Variants in SMPDL3A observed in about 807,000 individuals in gnomAD.
The protein encoded by SMPDL3A is sphingomyelin phosphodiesterase acid like 3A.
In SMPDL3A, 39 loss-of-function variants were observed where a neutral mutation model predicts 38.5. The observed-to-expected ratio is 1.01, with a 90% CI of 0.78 to 1.32. The LOEUF (loss-of-function observed/expected upper bound fraction) is 1.32, where lower values mean the gene tolerates loss of function less well. Ranked by LOEUF, SMPDL3A falls within the 40% of genes most tolerant of loss-of-function variation. The probability of loss-of-function intolerance (pLI) is 0.00; values close to 1 mark genes in which losing one functional copy is unlikely to be tolerated. For synonymous variants in SMPDL3A, 180 were observed against 194.3 expected (o/e 0.93, Z 0.61); for missense variants, 502 against 536.2 (o/e 0.94, Z 0.63).
rs1327705273 is a variant in SMPDL3A at position 122,806,087 on chromosome 6, T to C, written c.920-146T>C. 1.1e-5 allele frequency: 6 copies of C among 567,108 alleles called. No homozygotes were observed. In the Admixed American group the frequency reaches 2.2e-4, roughly 21 times the overall value. 35.1% of individuals were successfully genotyped at this position (567,108 alleles called of 1,614,324 possible). A position where few individuals can be genotyped will look rare whatever the true frequency, so the allele number is the denominator to read the frequency against. On this transcript the variant is annotated intron_variant, in intron 6 of 7. Transcript: ENST00000368440. The stretch of plus-strand genomic sequence containing the variant: ...GTCCCTATTTTCTCCAAATTGTCTC[T>C]TTACAGTTGTTTCAAGTCAGTATCC...
rs770665936 is a variant in SMPDL3A at position 122,795,716 on chromosome 6, C to T, written c.152C>T (p.Thr51Ile). Residue 51 changes from threonine to isoleucine, a missense_variant, in exon 2 of 8, where the codon ACT becomes ATT. Physicochemically the swap from Thr to Ile is moderately conservative, Grantham distance 89. Coordinates refer to ENST00000368440, the MANE Select transcript of SMPDL3A (RefSeq NM_006714.5). ...WHVTDLHLDP[T>I]YHITDDHTKV... is the part of the protein sequence containing the mutation. Reference sequence around the variant, plus strand: ...GTGACTGACTTACACTTAGACCCTACTTACCACATCACAGATGACCACACA... The same window carrying T: ...GTGACTGACTTACACTTAGACCCTATTTACCACATCACAGATGACCACACA... 1.9e-6 allele frequency: 3 copies of T among 1,614,196 alleles called. No individual in the cohort carries two copies. The highest frequency in any genetic ancestry group is 2.2e-5 in the East Asian group (1 of 44,872).
Position 122,789,434 on chromosome 6 carries a change from G to A in SMPDL3A, c.88G>A (p.Gly30Ser), listed in dbSNP as rs1164154087. 1.3e-6 allele frequency: 2 copies of A among 1,549,294 alleles called. No homozygotes were observed. Among genetic ancestry groups the A allele is most frequent in the Non-Finnish European group, 8.7e-7 (1 of 1,146,324 alleles). The stretch of plus-strand genomic sequence containing the variant: ...CGGGCTGCCCGTGGCGCCCGCAGGC[G>A]GCAGGAATCCTCCTCCGGCGATAGG... ...GLGLPVAPAG[G>S]RNPPPAIGQF... Residue 30 changes from glycine to serine, a missense_variant, in exon 1 of 8, where the codon GGC becomes AGC. Physicochemically the swap from Gly to Ser is moderately conservative, Grantham distance 56. Coordinates refer to ENST00000368440, the MANE Select transcript of SMPDL3A (RefSeq NM_006714.5).
Position 122,804,959 on chromosome 6 carries a change from C to T in SMPDL3A, c.789C>T (p.Asn263=). ...VPVGYLPSSQ[N]ITAMREYYNE... ...TGGGGTATCTGCCATCTTCACAGAA[C>T]ATCACAGCAATGAGAGAATACTATA... is the stretch of plus-strand genomic sequence containing the variant. Residue 263 remains asparagine, a synonymous_variant, in exon 6 of 8, where the codon AAC becomes AAT. Transcript: ENST00000368440. 6.2e-7 allele frequency: 1 copy of T among 1,613,156 alleles called. No individual in the cohort carries two copies.
chr6:122,791,479 C>T (rs2115157830), intron 1 of SMPDL3A, among the ~76,000 whole-genome samples: 1 of 152,318 alleles, frequency 6.6e-6, no homozygotes, highest in Non-Finnish European at 1.5e-5. Flanking sequence ...AGCAGCCATA[C>T]TTCAACCATT....
intron 4 of SMPDL3A, among the ~76,000 whole-genome samples, chr6:122,802,855 C>CTGTT (rs1781470244): frequency 6.6e-6 from 1 of 151,972 alleles, no homozygotes; most frequent in African/African-American, 2.4e-5. Flanking sequence ...TTTGTCATCC[C>CTGTT]AGAGGCCCTA....
chr6:122,789,614 G>C (rs1780997750), intron 1 of SMPDL3A, among the ~76,000 whole-genome samples, 156 bp downstream of exon 1: 1 of 152,232 alleles, frequency 6.6e-6, no homozygotes, highest in South Asian at 2.1e-4. Flanking sequence ...ACGGCTGGTG[G>C]GCGCGGGGAG....
intron 2 of SMPDL3A, 22 bp from the exon 3 acceptor site, chr6:122,796,802 T>A (rs1454458546): frequency 6.2e-7 from 1 of 1,606,464 alleles, no homozygotes; most frequent in Non-Finnish European, 8.5e-7. Flanking sequence ...TTTTGTTCTT[T>A]ACAATCTCTC....
chr6:122,790,915 A>T (rs1781056334), intron 1 of SMPDL3A, among the ~76,000 whole-genome samples: 1 of 152,030 alleles, frequency 6.6e-6, no homozygotes, highest in African/African-American at 2.4e-5. Context: ...CCTCCTACTA[A>T]AGGGGAAGGA....
chr6:122,797,130 G>A (rs1032680516), intron 3 of SMPDL3A, 162 bp downstream of exon 3: 13 of 511,278 alleles, frequency 2.5e-5, no homozygotes, highest in Non-Finnish European at 3.4e-5. Flanking sequence ...CAAGTACTTC[G>A]GGGACTGTAA....
At position 122,795,797 on chromosome 6, in the gene SMPDL3A, A is replaced by G; in HGVS notation, c.233A>G (p.Asp78Gly). Residue 78 changes from aspartate to glycine, a missense_variant, in exon 2 of 8, where the codon GAT becomes GGT. Transcript: ENST00000368440. ...GCCTCCAACCCTGGCCCTTTTGGAG[A>G]TGTTCTGTGTGATTCTCCATATCAA... ...ANASNPGPFG[D>G]VLCDSPYQLI... The G allele has an allele frequency of 6.2e-7, 1 of 1,614,102 alleles. No homozygotes were observed. The highest frequency in any genetic ancestry group is 8.5e-7 in the Non-Finnish European group (1 of 1,179,984).
intron 2 of SMPDL3A, 26 bp downstream of exon 2, chr6:122,795,916 A>G: frequency 6.8e-7 from 1 of 1,471,146 alleles, no homozygotes; most frequent in Non-Finnish European, 9.5e-7. Context: ...AGTACCATTA[A>G]TTACTCAATA....
At chr6:122,790,202 C>A (rs1781032161) in intron 1 of SMPDL3A, among the ~76,000 whole-genome samples, 1 of 152,172 alleles carries the variant, frequency 6.6e-6, no homozygotes, top group South Asian at 2.1e-4. Context: ...GTTAGCATTG[C>A]AAATTTCCAG....
intron 2 of SMPDL3A, 140 bp from the exon 3 acceptor site, chr6:122,796,684 G>A: frequency 2.0e-6 from 1 of 507,986 alleles, no homozygotes; most frequent in Non-Finnish European, 3.4e-6. Flanking sequence ...TAAGTGAAGA[G>A]TAGTCTATCA....
At chr6:122,800,044 A>G (rs9401600) in intron 3 of SMPDL3A, among the ~76,000 whole-genome samples, 20,279 of 150,526 alleles carry the variant, frequency 0.13, 1,825 homozygotes, top group East Asian at 0.35. Context: ...TCATAGATAA[A>G]TGCAGCCTCG....
intron 1 of SMPDL3A, 105 bp downstream of exon 1, chr6:122,789,563 G>A (rs964604408): frequency 4.8e-5 from 52 of 1,094,384 alleles, no homozygotes; most frequent in Middle Eastern, 4.6e-4. Context: ...CCCCGGCAGA[G>A]GCTCGGGCTA....
chr6:122,806,472 C>A, intron 7 of SMPDL3A, 115 bp downstream of exon 7: 1 of 1,026,100 alleles, frequency 9.7e-7, no homozygotes, highest in Non-Finnish European at 1.4e-6. Context: ...ATGTTGAAAT[C>A]TCCTGGCATC....
At chr6:122,791,853 C>T (rs570187673) in intron 1 of SMPDL3A, among the ~76,000 whole-genome samples, 2 of 152,276 alleles carry the variant, frequency 1.3e-5, no homozygotes, top group East Asian at 3.9e-4. Flanking sequence ...GCCACCATGC[C>T]TGGCTAATTT....
At chr6:122,791,725 G>A (rs1781082695) in intron 1 of SMPDL3A, among the ~76,000 whole-genome samples, 1 of 151,546 alleles carries the variant, frequency 6.6e-6, no homozygotes, top group Admixed American at 6.6e-5. Context: ...AGACAGTCTC[G>A]CCCTGTCACC....
chr6:122,799,906 A>G (rs923867814), intron 3 of SMPDL3A, among the ~76,000 whole-genome samples: 3 of 151,900 alleles, frequency 2.0e-5, no homozygotes, highest in African/African-American at 7.3e-5. Context: ...TTAAAACAAA[A>G]TTAAAAACAA....
Sources: gnomAD v4.1 joint callset for allele counts (sites outside exome capture counted in the v4.1 genomes callset) on GRCh38, gnomAD v4.1.1 for gene constraint, MANE v1.5 for transcripts, NCBI Gene and HGNC (gene_info 2026-07-23, HGNC 2026-07-21) for gene names.